N4BP2L2: variants seen among roughly 807,000 people sequenced by gnomAD.
The protein encoded by N4BP2L2 is NEDD4-binding protein 2-like 2.
In N4BP2L2, 50 loss-of-function variants were observed where a neutral mutation model predicts 56.2. The observed-to-expected ratio is 0.89, with a 90% CI of 0.71 to 1.13. The LOEUF is 1.13. Among genes scored for constraint, N4BP2L2 ranks in the 50% most tolerant of loss-of-function variants. N4BP2L2 has a pLI of 0.00. For synonymous variants in N4BP2L2, 203 were observed against 223.6 expected (o/e 0.91, Z 0.82); for missense variants, 689 against 693.8 (o/e 0.99, Z 0.08).
chr13:32,523,695 A>G (rs1337259951), intron 3 of N4BP2L2: 5 of 152,252 alleles, frequency 3.3e-5, no homozygotes, highest in African/African-American at 7.3e-5. Flanking sequence ...AAAAAAAAAA[A>G]AAAAAAATTA....
intron 6 of N4BP2L2, among the ~76,000 whole-genome samples, chr13:32,474,464 C>T (rs966083148): frequency 4.7e-5 from 7 of 150,518 alleles, no homozygotes; most frequent in South Asian, 2.1e-4. Context: ...CCGAGGTGGG[C>T]GAATCACCTG....
chr13:32,464,907 C>T (rs2080939663), intron 6 of N4BP2L2, among the ~76,000 whole-genome samples: 1 of 151,804 alleles, frequency 6.6e-6, no homozygotes. Flanking sequence ...TTCATGTCTG[C>T]CAGATTAACA....
At chr13:32,493,069 C>T (rs779682442) in intron 6 of N4BP2L2, among the ~76,000 whole-genome samples, 20 of 151,592 alleles carry the variant, frequency 1.3e-4, no homozygotes, top group Non-Finnish European at 2.9e-4. Context: ...ATTACAGGTG[C>T]CTGCCACCAC....
chr13:32,494,261 C>T (rs932554359), intron 6 of N4BP2L2, among the ~76,000 whole-genome samples: 1 of 150,956 alleles, frequency 6.6e-6, no homozygotes, highest in Non-Finnish European at 1.5e-5. Context: ...CTAACCTGGG[C>T]AACAGAGTGA....
chr13:32,500,427 A>T (rs931788691), intron 6 of N4BP2L2, among the ~76,000 whole-genome samples: 1 of 151,996 alleles, frequency 6.6e-6, no homozygotes, highest in Admixed American at 6.6e-5. Context: ...GAAGAACAAC[A>T]TAACTAAAAA....
At chr13:32,464,535 C>T (rs1185561891) in intron 6 of N4BP2L2, among the ~76,000 whole-genome samples, 2 of 152,168 alleles carry the variant, frequency 1.3e-5, no homozygotes, top group African/African-American at 4.8e-5. Context: ...TGGGTAACCT[C>T]ATTTTCTATT....
exon 6 of N4BP2L2, chr13:32,517,929 G>C (rs1378910154): frequency 3.1e-6 from 5 of 1,614,046 alleles, no homozygotes; most frequent in Non-Finnish European, 4.2e-6. Flanking sequence ...CATTACAATA[G>C]AAATGGACAT....
intron 6 of N4BP2L2, among the ~76,000 whole-genome samples, chr13:32,448,260 T>G (rs1407289632): frequency 6.6e-6 from 1 of 152,076 alleles, no homozygotes; most frequent in East Asian, 1.9e-4. Context: ...AGTAGATGCA[T>G]TTTCTTTAGA....
chr13:32,497,043 C>T (rs1254075013), intron 6 of N4BP2L2, among the ~76,000 whole-genome samples: 3 of 152,124 alleles, frequency 2.0e-5, no homozygotes, highest in Admixed American at 1.3e-4. Flanking sequence ...AAGTGAACTC[C>T]TGCTTCTCAA....
intron 3 of N4BP2L2, chr13:32,523,658 T>C (rs2140086939): frequency 7.2e-6 from 1 of 138,884 alleles, no homozygotes; most frequent in Non-Finnish European, 1.5e-5. Flanking sequence ...CACTCCAGCC[T>C]GGGTGACAGA....
intron 6 of N4BP2L2, among the ~76,000 whole-genome samples, chr13:32,457,394 A>G (rs1370731910): frequency 1.3e-5 from 2 of 152,206 alleles, no homozygotes; most frequent in African/African-American, 4.8e-5. Flanking sequence ...GGGAAACCCA[A>G]ATAGATGTAA....
chr13:32,442,018 G>C (rs577637892), intron 7 of N4BP2L2, among the ~76,000 whole-genome samples: 1 of 152,244 alleles, frequency 6.6e-6, no homozygotes, highest in Non-Finnish European at 1.5e-5. Context: ...GGAGCTTGCA[G>C]TGAGCCGAGA....
At chr13:32,467,347 T>A (rs2081413693) in intron 6 of N4BP2L2, among the ~76,000 whole-genome samples, 1 of 151,972 alleles carries the variant, frequency 6.6e-6, no homozygotes, top group Non-Finnish European at 1.5e-5. Flanking sequence ...AACCTCCGTC[T>A]CCTGGGTTCA....
intron 6 of N4BP2L2, among the ~76,000 whole-genome samples, chr13:32,484,108 A>C (rs1213226120): frequency 6.6e-6 from 1 of 152,124 alleles, no homozygotes; most frequent in Non-Finnish European, 1.5e-5. Flanking sequence ...CAAGAGTTTG[A>C]GTCCAAGAGT....
chr13:32,485,897 T>C (rs2085740762), intron 6 of N4BP2L2, among the ~76,000 whole-genome samples: 1 of 152,086 alleles, frequency 6.6e-6, no homozygotes. Flanking sequence ...AGTGAGACCT[T>C]GTCTCTACAA....
chr13:32,526,818 G>GCTTT (rs2052993482), intron 3 of N4BP2L2: 2 of 24,236 alleles, frequency 8.3e-5, no homozygotes, highest in Non-Finnish European at 1.6e-4. Context: ...CTTTTTGTCT[G>GCTTT]TTTTTTTTTT....
chr13:32,467,871 T>A (rs975547564), intron 6 of N4BP2L2, among the ~76,000 whole-genome samples: 14 of 151,356 alleles, frequency 9.2e-5, no homozygotes, highest in African/African-American at 3.4e-4. Flanking sequence ...GTGCCTGTAA[T>A]CCCAGCTACT....
intron 6 of N4BP2L2, among the ~76,000 whole-genome samples, chr13:32,458,023 T>A (rs577230672): frequency 2.0e-5 from 3 of 152,210 alleles, no homozygotes; most frequent in African/African-American, 7.2e-5. Flanking sequence ...AGACTGGCTG[T>A]ATTGATTTGT....
At position 32,460,730 on chromosome 13, in the gene N4BP2L2, A is replaced by C. The variant is rs150109574; in HGVS notation, c.366-16604T>G. ...ACATTTTTCAAAGAAATAGAAAAAAATCAATTCTAAAATTTGCATGGAACC... is the reference window on the plus strand; with the variant it reads ...ACATTTTTCAAAGAAATAGAAAAAACTCAATTCTAAAATTTGCATGGAACC... On this transcript the variant is annotated intron_variant, in intron 6 of 9. Transcript: ENST00000357505. Among the ~76,000 whole-genome samples the C allele has an allele frequency of 1.6e-3, 243 of 152,302 alleles. 2 individuals are homozygous for C. Among genetic ancestry groups the C allele is most frequent in the Non-Finnish European group, 3.4e-4 (23 of 68,004 alleles).
Sources: allele counts gnomAD v4.1 joint callset (sites outside exome capture counted in the v4.1 genomes callset), GRCh38; gene constraint gnomAD v4.1.1; transcripts MANE v1.5; gene names NCBI Gene and HGNC (gene_info 2026-07-23, HGNC 2026-07-21).